Variants in ARHGAP18 observed in about 807,000 individuals in gnomAD.
The protein encoded by ARHGAP18 is rho GTPase-activating protein 18.
ARHGAP18 carries 67 observed loss-of-function variants against 86.2 expected under a neutral mutation model. The observed-to-expected ratio is 0.78, with a 90% CI of 0.64 to 0.95. ARHGAP18 has a LOEUF of 0.95. Ranked by LOEUF, ARHGAP18 falls within the 40% of genes least tolerant of loss-of-function variation. The pLI, the probability that ARHGAP18 is intolerant of heterozygous loss-of-function variation, is 0.00. For missense variants in ARHGAP18, 691 were observed against 780.4 expected (o/e 0.89, Z 1.37); for synonymous variants, 283 against 280.4 (o/e 1.01, Z -0.09).
chr6:129,579,835 G>A (rs1416079348), intron 14 of ARHGAP18, among the ~76,000 whole-genome samples: 1 of 152,170 alleles, frequency 6.6e-6, no homozygotes, highest in Admixed American at 6.6e-5. Flanking sequence ...TATTCTTACT[G>A]TATAGGGAAC....
intron 13 of ARHGAP18, among the ~76,000 whole-genome samples, chr6:129,583,525 A>G (rs760809118): frequency 4.9e-4 from 75 of 152,124 alleles, no homozygotes; most frequent in Non-Finnish European, 5.6e-4. Context: ...TCCTCTTTCA[A>G]TTCTTTATGG....
chr6:129,605,574 T>C (rs768732857), intron 10 of ARHGAP18, among the ~76,000 whole-genome samples: 45 of 151,458 alleles, frequency 3.0e-4, no homozygotes, highest in African/African-American at 1.0e-3. Flanking sequence ...AAAAAAGAAA[T>C]AAGAAGGAGA....
intron 1 of ARHGAP18, 97 bp from the exon 2 acceptor site, chr6:129,642,115 C>A: frequency 9.4e-7 from 1 of 1,059,586 alleles, no homozygotes; most frequent in South Asian, 1.4e-5. Context: ...TTTATTAACT[C>A]CTTAAGTTAT....
chr6:129,611,909 A>C (rs1474504798), intron 7 of ARHGAP18, among the ~76,000 whole-genome samples: 4 of 152,240 alleles, frequency 2.6e-5, no homozygotes, highest in Non-Finnish European at 5.9e-5. Context: ...AAAAGCAACT[A>C]AGAACATCTA....
intron 4 of ARHGAP18, among the ~76,000 whole-genome samples, chr6:129,630,462 C>T (rs1773175692): frequency 6.6e-6 from 1 of 152,112 alleles, no homozygotes; most frequent in Non-Finnish European, 1.5e-5. Context: ...TTACAAAATA[C>T]ATCTATGCAG....
chr6:129,622,145 C>T (rs1336809239), intron 5 of ARHGAP18, among the ~76,000 whole-genome samples: 2 of 152,144 alleles, frequency 1.3e-5, no homozygotes, highest in Non-Finnish European at 2.9e-5. Flanking sequence ...ACACATCCTA[C>T]AGGGAGGCGA....
chr6:129,592,905 G>C (rs1197244154), intron 12 of ARHGAP18, among the ~76,000 whole-genome samples: 1 of 152,188 alleles, frequency 6.6e-6, no homozygotes. Flanking sequence ...GATGCAACAA[G>C]ATCAGAAAAA....
chr6:129,616,436 G>T, intron 6 of ARHGAP18, 133 bp from the exon 7 acceptor site: 1 of 667,704 alleles, frequency 1.5e-6, no homozygotes, highest in Non-Finnish European at 2.5e-6. Context: ...GTGAATGACA[G>T]CATCTCAACA....
At chr6:129,689,574 A>G (rs902613580) in intron 1 of ARHGAP18, among the ~76,000 whole-genome samples, 3 of 152,034 alleles carry the variant, frequency 2.0e-5, no homozygotes, top group Non-Finnish European at 2.9e-5. Flanking sequence ...ATGGGCATGT[A>G]TTGTTTTTTA....
intron 5 of ARHGAP18, among the ~76,000 whole-genome samples, chr6:129,625,219 G>T (rs200813304): frequency 2.9e-4 from 13 of 44,870 alleles, no homozygotes; most frequent in East Asian, 6.1e-4. Flanking sequence ...TAATATATAT[G>T]ATATATGATA....
rs148813543 is a variant in ARHGAP18, at chr6:129,610,514, A to G, written c.1122+1019T>C. ...TACCCTGGATGCAGCAAGACAGGGA[A>G]CTGTGTGAATCAGGAAGGTGGTTGA... On this transcript the variant is annotated intron_variant, in intron 8 of 14. Coordinates refer to ENST00000368149, the MANE Select transcript of ARHGAP18 (RefSeq NM_033515.3). 8.1e-4 allele frequency among the ~76,000 whole-genome samples: 124 copies of G among 152,348 alleles called. 1 individual carries two copies. Among genetic ancestry groups the G allele is most frequent in the African/African-American group, 3.0e-3 (123 of 41,588 alleles).
chr6:129,706,745 G>C (rs1424719927), intron 1 of ARHGAP18, among the ~76,000 whole-genome samples: 1 of 151,480 alleles, frequency 6.6e-6, no homozygotes, highest in African/African-American at 2.4e-5. Flanking sequence ...AAATTAGCCA[G>C]GGGTGGTGGC....
intron 1 of ARHGAP18, among the ~76,000 whole-genome samples, chr6:129,694,689 AT>A (rs1774584200): frequency 6.6e-6 from 1 of 152,240 alleles, no homozygotes. Flanking sequence ...ACAGTGGCAT[AT>A]ATCCTCTTAG....
rs1773816318 is a variant in ARHGAP18, at chr6:129,655,425, T to C, written c.114-13407A>G. ...TGATGAAAGGATTAAGAGCATGTAA[T>C]ATCCTCCAGGGCAGAAGTCAGTATT... is the stretch of plus-strand genomic sequence containing the variant. On this transcript the variant is annotated intron_variant, in intron 1 of 14. Transcript: ENST00000368149. Among the ~76,000 whole-genome samples, 3 of 150,920 alleles carry C rather than the reference T, an allele frequency of 2.0e-5. No individual in the cohort carries two copies. In the South Asian group the frequency reaches 6.3e-4, roughly 31 times the overall value.
At chr6:129,606,512 T>C (rs1788856954) in intron 9 of ARHGAP18, among the ~76,000 whole-genome samples, 1 of 152,150 alleles carries the variant, frequency 6.6e-6, no homozygotes, top group Non-Finnish European at 1.5e-5. Context: ...GATGTTATCA[T>C]TTTCAGCAGC....
intron 1 of ARHGAP18, among the ~76,000 whole-genome samples, chr6:129,657,432 A>AAAG (rs1214715016): frequency 1.3e-5 from 2 of 151,440 alleles, no homozygotes; most frequent in African/African-American, 2.4e-5. Flanking sequence ...TTGAAATTAA[A>AAAG]AAAAAAAAAA....
At chr6:129,619,124 G>A (rs909810004) in intron 5 of ARHGAP18, among the ~76,000 whole-genome samples, 33 of 146,612 alleles carry the variant, frequency 2.3e-4, no homozygotes, top group African/African-American at 8.1e-4. Flanking sequence ...GAGGACAAGA[G>A]AGACAGTGAA....
intron 1 of ARHGAP18, among the ~76,000 whole-genome samples, chr6:129,687,508 AG>A (rs1215400353): frequency 2.6e-5 from 4 of 152,162 alleles, no homozygotes; most frequent in Non-Finnish European, 5.9e-5. Context: ...CTATCAAAGC[AG>A]GGCTGTACTG....
chr6:129,688,507 T>C (rs1774471047), intron 1 of ARHGAP18, among the ~76,000 whole-genome samples: 1 of 152,192 alleles, frequency 6.6e-6, no homozygotes, highest in Non-Finnish European at 1.5e-5. Flanking sequence ...AAACACGTCT[T>C]ATCAGCTGGG....
Sources: gnomAD v4.1 joint callset for allele counts (sites outside exome capture counted in the v4.1 genomes callset) on GRCh38, gnomAD v4.1.1 for gene constraint, MANE v1.5 for transcripts, NCBI Gene and HGNC (gene_info 2026-07-23, HGNC 2026-07-21) for gene names.